Variants in FASTKD2 observed in about 807,000 individuals in gnomAD.
FASTKD2 encodes FAST kinase domain-containing protein 2, mitochondrial.
A neutral mutation model predicts 63.6 loss-of-function variants in FASTKD2; 51 were observed. The observed-to-expected ratio is 0.80, with a 90% CI of 0.64 to 1.01. The LOEUF (loss-of-function observed/expected upper bound fraction) is 1.01. FASTKD2 is among the 50% of genes least tolerant of loss of function. FASTKD2 has a pLI of 0.00. For missense variants in FASTKD2, 786 were observed against 831.1 expected (o/e 0.95, Z 0.67); for synonymous variants, 284 against 293.4 (o/e 0.97, Z 0.33).
chr2:206,795,317 T>C lies in FASTKD2; in HGVS notation c.*3515T>C, dbSNP rs1215032980. ...GGCGTGATCTCAGCTCACTGCAAGCTCCGCCTCCTGGGTTCAAGCCATTCT... is the reference window on the plus strand; with the variant it reads ...GGCGTGATCTCAGCTCACTGCAAGCCCCGCCTCCTGGGTTCAAGCCATTCT... On this transcript the variant is annotated 3_prime_UTR_variant, in exon 12 of 12. Coordinates refer to ENST00000402774, the MANE Select transcript of FASTKD2 (RefSeq NM_001136193.2). 1.3e-5 allele frequency among the ~76,000 whole-genome samples: 2 copies of C among 152,148 alleles called. No individual in the cohort carries two copies. Among genetic ancestry groups the C allele is most frequent in the African/African-American group, 4.8e-5 (2 of 41,438 alleles).
At chr2:206,789,346 T>C in intron 10 of FASTKD2, 2 of 179,894 alleles carry the variant, frequency 1.1e-5, no homozygotes, top group South Asian at 2.5e-4. Flanking sequence ...AATTAAACTG[T>C]ATTTGTATGG....
chr2:206,790,516 C>G, intron 10 of FASTKD2, 56 bp from the exon 11 acceptor site: 1 of 1,036,816 alleles, frequency 9.6e-7, no homozygotes. Flanking sequence ...AAGAATGCAG[C>G]AAGACTAAAT....
chr2:206,778,361 C>A (rs896908252), intron 7 of FASTKD2, among the ~76,000 whole-genome samples: 5 of 151,764 alleles, frequency 3.3e-5, no homozygotes, highest in African/African-American at 1.2e-4. Flanking sequence ...TTTTATTTGT[C>A]TTGAAATATT....
At chr2:206,775,365 A>G (rs1331093114) in intron 7 of FASTKD2, among the ~76,000 whole-genome samples, 2 of 151,056 alleles carry the variant, frequency 1.3e-5, no homozygotes, top group Non-Finnish European at 3.0e-5. Flanking sequence ...AAATGATCAT[A>G]TGGTTTTTAT....
chr2:206,791,218 T>TTA (rs1177288408), intron 11 of FASTKD2: 1 of 196,630 alleles, frequency 5.1e-6, no homozygotes, highest in Non-Finnish European at 1.0e-5. Context: ...ACAAATACAT[T>TTA]TATATATATG....
chr2:206,790,818 T>C (rs1178455291), intron 11 of FASTKD2, 132 bp downstream of exon 11: 1 of 707,226 alleles, frequency 1.4e-6, no homozygotes, highest in Admixed American at 2.0e-5. Flanking sequence ...AGTGCTTTAG[T>C]TACTGTTTTC....
chr2:206,769,207 A>G (rs903482757), intron 2 of FASTKD2, among the ~76,000 whole-genome samples: 1 of 152,246 alleles, frequency 6.6e-6, no homozygotes, highest in Non-Finnish European at 1.5e-5. Flanking sequence ...TTCATAGTAG[A>G]TATGGATGGA....
In FASTKD2 at chr2:206,766,822, A is replaced by G. The variant is rs1559357574; in HGVS notation, c.129A>G (p.Leu43=). The G allele has an allele frequency of 4.3e-6, 7 of 1,612,104 alleles. No individual in the cohort carries two copies. Among genetic ancestry groups the G allele is most frequent in the African/African-American group, 1.3e-5 (1 of 74,852 alleles). The change falls in exon 2 of 12, where the codon CTA becomes CTG. Residue 43 remains leucine, a synonymous_variant. Transcript: ENST00000402774. ...TLVSTSRTMR[L]CCLGLCKPKI... ...TTTCAACAAGCAGAACTATGAGGCT[A>G]TGTTGTTTGGGACTTTGCAAACCAA... is the stretch of plus-strand genomic sequence containing the variant.
intron 7 of FASTKD2, among the ~76,000 whole-genome samples, chr2:206,777,908 T>A (rs866529733): frequency 2.0e-4 from 31 of 152,322 alleles, no homozygotes; most frequent in Admixed American, 1.3e-4. Context: ...ATTTATTCAT[T>A]TCTTCTTGAT....
At chr2:206,782,034 A>C (rs1431722820) in intron 7 of FASTKD2, among the ~76,000 whole-genome samples, 1 of 152,170 alleles carries the variant, frequency 6.6e-6, no homozygotes, top group Non-Finnish European at 1.5e-5. Flanking sequence ...TGCTGAGTGC[A>C]GGAAGCTGTC....
intron 4 of FASTKD2, 113 bp from the exon 5 acceptor site, chr2:206,771,781 G>A: frequency 1.3e-6 from 1 of 799,842 alleles, no homozygotes; most frequent in Non-Finnish European, 2.1e-6. Context: ...TTGAGCCTGG[G>A]AGGTTGAGGC....
In FASTKD2 at chr2:206,790,292, G is replaced by A. The variant is rs147371880; in HGVS notation, c.1899-280G>A. On this transcript the variant is annotated intron_variant, in intron 10 of 11. Transcript: ENST00000402774. Reference sequence around the variant, plus strand: ...TACACAGAAAACCCTTAAAATTGGTGCTTTCATGTCTGAAAATTTTCCTCT... The same window carrying A: ...TACACAGAAAACCCTTAAAATTGGTACTTTCATGTCTGAAAATTTTCCTCT... 683 of 373,404 alleles carry A rather than the reference G, an allele frequency of 1.8e-3. 4 individuals carry two copies. Among genetic ancestry groups the A allele is most frequent in the African/African-American group, 0.013 (628 of 48,368 alleles). The allele number at this position is 373,404 out of a possible 1,614,324, so 23.1% of individuals were successfully genotyped here. A position where few individuals can be genotyped will look rare whatever the true frequency, so the allele number is the denominator to read the frequency against.
At chr2:206,775,599 T>G (rs1476684589) in intron 7 of FASTKD2, among the ~76,000 whole-genome samples, 1 of 152,006 alleles carries the variant, frequency 6.6e-6, no homozygotes, top group Non-Finnish European at 1.5e-5. Context: ...GATGTGTCTT[T>G]GTCTGATTTT....
chr2:206,766,525 A>T lies in FASTKD2; in HGVS notation c.-50-119A>T, dbSNP rs1445588558. 6.2e-6 allele frequency: 4 copies of T among 641,068 alleles called. No individual in the cohort carries two copies. The Admixed American group carries it at 1.1e-4, about 18-fold the overall frequency. The allele number at this position is 641,068 out of a possible 1,614,324, so 39.7% of individuals were successfully genotyped here. A position where few individuals can be genotyped will look rare whatever the true frequency, so the allele number is the denominator to read the frequency against. ...TGGTAAAAAAAACTTTTACTGTTTT[A>T]TGTAAATGTTTAATGGCTCCATAGG... On this transcript the variant is annotated intron_variant, in intron 1 of 11. Transcript: ENST00000402774.
At chr2:206,774,637 G>A (rs1276423448) in intron 7 of FASTKD2, among the ~76,000 whole-genome samples, 1 of 151,700 alleles carries the variant, frequency 6.6e-6, no homozygotes, top group Admixed American at 6.6e-5. Flanking sequence ...TTCATTATAG[G>A]AGTTTGATTT....
Position 206,767,007 on chromosome 2 carries a change from G to A in FASTKD2, c.314G>A (p.Arg105Lys). The change falls in exon 2 of 12, where the codon AGA becomes AAA. Residue 105 changes from arginine (R) to lysine (K), a missense_variant. Arg to Lys is a conservative substitution (Grantham distance 26, BLOSUM62 2). Transcript: ENST00000402774. The stretch of plus-strand genomic sequence containing the variant: ...ACTCTAACAGCCCTTAGAATTGAAA[G>A]ACTACTTTATGCTAAAAGACTGTTT... ...ISTLTALRIE[R>K]LLYAKRLFFD... is the part of the protein sequence containing the mutation. 1.9e-6 allele frequency: 3 copies of A among 1,613,496 alleles called. No homozygotes were observed. The highest frequency in any genetic ancestry group is 2.5e-6 in the Non-Finnish European group (3 of 1,179,474).
At chr2:206,781,728 A>G (rs1384763499) in intron 7 of FASTKD2, among the ~76,000 whole-genome samples, 1 of 139,616 alleles carries the variant, frequency 7.2e-6, no homozygotes, top group Non-Finnish European at 1.5e-5. Flanking sequence ...CTGGTGTCTG[A>G]CTGCTGTACT....
intron 7 of FASTKD2, among the ~76,000 whole-genome samples, chr2:206,781,989 C>T (rs1000088310): frequency 7.9e-5 from 12 of 152,160 alleles, no homozygotes; most frequent in South Asian, 4.1e-4. Context: ...GCTGAATCCT[C>T]GGGTTGCGTA....
At chr2:206,787,571 G>T (rs899441060) in intron 8 of FASTKD2, among the ~76,000 whole-genome samples, 3 of 152,210 alleles carry the variant, frequency 2.0e-5, no homozygotes, top group African/African-American at 7.2e-5. Context: ...TTCAGGCAGT[G>T]TAATAATGGA....
Sources: allele counts gnomAD v4.1 joint callset (sites outside exome capture counted in the v4.1 genomes callset), GRCh38; gene constraint gnomAD v4.1.1; transcripts MANE v1.5; gene names NCBI Gene and HGNC (gene_info 2026-07-23, HGNC 2026-07-21).